FSCN2: variants seen among roughly 807,000 people sequenced by gnomAD.
FSCN2 encodes fascin-2.
FSCN2 carries 46 observed loss-of-function variants against 37.8 expected under a neutral mutation model. The observed-to-expected ratio is 1.22, with a 90% CI of 0.96 to 1.56. FSCN2 has a LOEUF of 1.56. Ranked by LOEUF, FSCN2 falls within the 40% of genes most tolerant of loss-of-function variation. FSCN2 has a pLI of 0.00. For synonymous variants in FSCN2, 351 were observed against 309.4 expected (o/e 1.13, Z -1.41); for missense variants, 844 against 730.4 (o/e 1.16, Z -1.79).
the FSCN2 span, among the ~76,000 whole-genome samples, chr17:81,515,746 G>C: frequency 6.6e-6 from 1 of 152,236 alleles, no homozygotes; most frequent in Non-Finnish European, 1.5e-5. Flanking sequence ...CCACCTGGCC[G>C]GCTACTTGTC....
At chr17:81,524,396 C>A (rs1402169708), upstream of FSCN2, among the ~76,000 whole-genome samples, 1 of 152,210 alleles carries the variant, frequency 6.6e-6, no homozygotes, top group Non-Finnish European at 1.5e-5. Flanking sequence ...GACAAGGCAC[C>A]CCCTCCCAGG....
Position 81,532,182 on chromosome 17 carries a change from G to A in FSCN2, c.826+2825G>A, listed in dbSNP as rs372112145. ...GATGATGGTGATGGTGGTGGTGATG[G>A]TGGTGGTGATGGTGGTGGTGGTGAT... is the stretch of plus-strand genomic sequence containing the variant. On this transcript the variant is annotated intron_variant, in intron 1 of 4. Transcript: ENST00000417245. 3.1e-3 allele frequency among the ~76,000 whole-genome samples: 310 copies of A among 101,466 alleles called. 6 individuals are homozygous for A. Among genetic ancestry groups the A allele is most frequent in the African/African-American group, 0.016 (284 of 17,770 alleles). The allele number at this position is 101,466 out of a possible 152,430, so 66.6% of individuals were successfully genotyped here. A position where few individuals can be genotyped will look rare whatever the true frequency, so the allele number is the denominator to read the frequency against.
At chr17:81,520,521 TG>T in the FSCN2 span, among the ~76,000 whole-genome samples, 2 of 152,232 alleles carry the variant, frequency 1.3e-5, no homozygotes, top group Non-Finnish European at 2.9e-5. Context: ...GTCACCAAGC[TG>T]GGAAGGTGAG....
At position 81,536,945 on chromosome 17, in the gene FSCN2, C is replaced by T. The variant is rs1261564614; in HGVS notation, c.1344C>T (p.Asp448=). 8 of 1,568,650 alleles carry T rather than the reference C, an allele frequency of 5.1e-6. No homozygotes were observed. Among genetic ancestry groups the T allele is most frequent in the Non-Finnish European group, 2.6e-6 (3 of 1,165,028 alleles). ...SVCSDGERAE[D]FVFEFRERGR... is the part of the protein sequence containing the mutation. The stretch of plus-strand genomic sequence containing the variant: ...GCAGCGACGGCGAACGCGCCGAGGA[C>T]TTCGTCTTCGAGTTCCGTGAGCGCG... Residue 448 remains aspartate (D), a synonymous_variant, in exon 5 of 5, where the codon GAC becomes GAT. Coordinates refer to ENST00000417245, the MANE Select transcript of FSCN2 (RefSeq NM_012418.4).
the FSCN2 span, among the ~76,000 whole-genome samples, chr17:81,522,586 G>A: frequency 2.0e-5 from 3 of 152,234 alleles, no homozygotes; most frequent in Non-Finnish European, 4.4e-5. Context: ...AAGTGCCTGT[G>A]ATGGTTGGTT....
the FSCN2 span, among the ~76,000 whole-genome samples, chr17:81,518,592 G>C: frequency 6.6e-6 from 1 of 151,326 alleles, no homozygotes; most frequent in African/African-American, 2.4e-5. Flanking sequence ...CTGACTCTCC[G>C]CACGGACCCT....
chr17:81,529,514 G>C (rs2032479709), intron 1 of FSCN2, 157 bp downstream of exon 1: 1 of 790,898 alleles, frequency 1.3e-6, no homozygotes, highest in Non-Finnish European at 2.2e-6. Context: ...TGGCCACTCA[G>C]GGTGTAGGTG....
chr17:81,531,690 A>G lies in FSCN2; in HGVS notation c.826+2333A>G, dbSNP rs1323235462. ...GATGATGGTGATGATGATGGTGATG[A>G]TGGTGATGGTGATGATGATAGTGAT... On this transcript the variant is annotated intron_variant, in intron 1 of 4. Coordinates refer to ENST00000417245, the MANE Select transcript of FSCN2 (RefSeq NM_012418.4). 4.1e-3 allele frequency among the ~76,000 whole-genome samples: 445 copies of G among 108,544 alleles called. 20 individuals are homozygous for G. The highest frequency in any genetic ancestry group is 0.019 in the African/African-American group (391 of 21,004). The allele number at this position is 108,544 out of a possible 152,430, so 71.2% of individuals were successfully genotyped here.
At chr17:81,522,204 A>G in the FSCN2 span, among the ~76,000 whole-genome samples, 2 of 152,216 alleles carry the variant, frequency 1.3e-5, no homozygotes, top group African/African-American at 4.8e-5. Flanking sequence ...ATGCAGTTTC[A>G]CCATGTTGGG....
intron 1 of FSCN2, chr17:81,530,787 C>T (rs782813777): frequency 2.2e-5 from 7 of 318,890 alleles, no homozygotes; most frequent in South Asian, 7.0e-5. Context: ...TTGGCATCCT[C>T]GGGCCTGTCC....
At chr17:81,531,025 A>G (rs2032531156) in intron 1 of FSCN2, among the ~76,000 whole-genome samples, 1 of 152,266 alleles carries the variant, frequency 6.6e-6, no homozygotes, top group Non-Finnish European at 1.5e-5. Flanking sequence ...GTATATGGAC[A>G]GCTTGGAAAG....
At chr17:81,529,398 G>A (rs2032475100) in intron 1 of FSCN2, 41 bp downstream of exon 1, 4 of 1,438,322 alleles carry the variant, frequency 2.8e-6, no homozygotes, top group Non-Finnish European at 3.8e-6. Flanking sequence ...GGGGTGCTGG[G>A]ACCCCCCTGC....
chr17:81,528,318 C>T (rs782558689), upstream of FSCN2: 28 of 580,702 alleles, frequency 4.8e-5, no homozygotes, highest in Non-Finnish European at 6.5e-5. Flanking sequence ...CCGCCCTCCC[C>T]GCCCGCCCTC....
In FSCN2 at chr17:81,532,437, G is replaced by A. The variant is rs867285233; in HGVS notation, c.827-2615G>A. Among the ~76,000 whole-genome samples the A allele has an allele frequency of 4.4e-5, 5 of 114,814 alleles. 1 individual carries two copies. Among genetic ancestry groups the A allele is most frequent in the East Asian group, 2.5e-4 (1 of 3,990 alleles). The allele number at this position is 114,814 out of a possible 152,430, so 75.3% of individuals were successfully genotyped here. On this transcript the variant is annotated intron_variant, in intron 1 of 4. Transcript: ENST00000417245. ...GATGATGGTGATGGTGATGATAATG[G>A]TGATGATGATGGTGATGGTGGTGGT...
intron 4 of FSCN2, 25 bp downstream of exon 4, chr17:81,536,814 G>A (rs1274575496): frequency 1.9e-6 from 3 of 1,560,012 alleles, no homozygotes; most frequent in Non-Finnish European, 2.6e-6. Context: ...GGGTGGGCAC[G>A]CGGGAGCGGG....
intron 1 of FSCN2, among the ~76,000 whole-genome samples, chr17:81,532,210 T>C (rs375164753): frequency 0.052 from 7,229 of 137,832 alleles, 762 homozygotes; most frequent in African/African-American, 0.18. Context: ...GTGGTGATGA[T>C]AGTGATGGTG....
At chr17:81,520,043 G>T in the FSCN2 span, among the ~76,000 whole-genome samples, 721 of 152,310 alleles carry the variant, frequency 4.7e-3, 2 homozygotes, top group South Asian at 0.019. Context: ...ACACCTGCTG[G>T]GGACAGAGGC....
intron 1 of FSCN2, among the ~76,000 whole-genome samples, chr17:81,529,785 T>C (rs60324496): frequency 0.08 from 12,170 of 152,236 alleles, 1,459 homozygotes; most frequent in African/African-American, 0.25. Flanking sequence ...CCCTTCTTTT[T>C]CTCCACCCCA....
rs1568083328 is a variant in FSCN2, at chr17:81,536,606, A to G, written c.1106-16A>G. 2 of 1,606,804 alleles carry G rather than the reference A, an allele frequency of 1.2e-6. No individual in the cohort carries two copies. The highest frequency in any genetic ancestry group is 1.7e-5 in the Admixed American group (1 of 59,946). On this transcript the variant is annotated splice_polypyrimidine_tract_variant and intron_variant, in intron 3 of 4. Coordinates refer to ENST00000417245, the MANE Select transcript of FSCN2 (RefSeq NM_012418.4). ...GGTGGCGGGAGGGGCAGCGCAGCAGACGCTCTCCCCGCCAGGCAAGGACGA... is the reference window on the plus strand; with the variant it reads ...GGTGGCGGGAGGGGCAGCGCAGCAGGCGCTCTCCCCGCCAGGCAAGGACGA...
Sources: gnomAD v4.1 joint callset for allele counts (sites outside exome capture counted in the v4.1 genomes callset) on GRCh38, gnomAD v4.1.1 for gene constraint, MANE v1.5 for transcripts, NCBI Gene and HGNC (gene_info 2026-07-23, HGNC 2026-07-21) for gene names.